Variants in CDCA2 observed in about 807,000 individuals in gnomAD.
CDCA2 encodes the protein cell division cycle-associated protein 2.
Under a neutral mutation model 67.0 loss-of-function variants are expected in CDCA2, and 44 were observed. The ratio of observed to expected loss-of-function variants is 0.66; its 90% CI spans 0.52 to 0.84. The LOEUF (loss-of-function observed/expected upper bound fraction) is 0.84. Among genes scored for constraint, CDCA2 ranks in the 40% least tolerant of loss-of-function variants. The probability of loss-of-function intolerance (pLI) is 0.00; values close to 1 mark genes in which losing one functional copy is unlikely to be tolerated. For missense variants in CDCA2, 1,253 were observed against 1,203.2 expected, an observed-to-expected ratio of 1.04 and a Z score of -0.61; for synonymous variants, 447 against 418.7, an observed-to-expected ratio of 1.07 and a Z score of -0.82.
At chr8:25,468,709 G>A (rs1206775139) in intron 6 of CDCA2, among the ~76,000 whole-genome samples, 3 of 152,154 alleles carry the variant, frequency 2.0e-5, no homozygotes, top group Non-Finnish European at 4.4e-5. Context: ...GTATTCTAGA[G>A]GGTGATGCTC....
intron 13 of CDCA2, among the ~76,000 whole-genome samples, chr8:25,494,648 A>G (rs1338854451): frequency 6.6e-6 from 1 of 152,208 alleles, no homozygotes; most frequent in Non-Finnish European, 1.5e-5. Flanking sequence ...ATGTTATAAA[A>G]CAATATATGT....
intron 7 of CDCA2, among the ~76,000 whole-genome samples, chr8:25,476,558 CT>C (rs555991670): frequency 9.3e-4 from 135 of 144,956 alleles, no homozygotes; most frequent in Non-Finnish European, 7.8e-4. Context: ...TCTTTTTTTT[CT>C]TTTTTTTTTT....
chr8:25,462,344 C>G (rs1294298737), intron 4 of CDCA2, 136 bp downstream of exon 4: 1 of 947,634 alleles, frequency 1.1e-6, no homozygotes, highest in Non-Finnish European at 1.6e-6. Flanking sequence ...ATGCAGTTAG[C>G]GGCCGGGCGC....
chr8:25,506,649 T>G lies in CDCA2; in HGVS notation c.1983T>G (p.Ser661=). ...AATATGATGTCTCTGAATTCTGCTCTTATATAAAAAGTTCCTCATCGCTTG... is the reference window on the plus strand; with the variant it reads ...AATATGATGTCTCTGAATTCTGCTCGTATATAAAAAGTTCCTCATCGCTTG... ...YDKYDVSEFC[S]YIKSSSSLGN... The change falls in exon 15 of 15, where the codon TCT becomes TCG. Residue 661 remains serine, a synonymous_variant. Coordinates refer to ENST00000330560, the MANE Select transcript of CDCA2 (RefSeq NM_152562.4). 1.9e-6 allele frequency: 3 copies of G among 1,613,588 alleles called. No individual in the cohort carries two copies. The highest frequency in any genetic ancestry group is 2.5e-6 in the Non-Finnish European group (3 of 1,179,916).
intron 8 of CDCA2, among the ~76,000 whole-genome samples, chr8:25,481,428 T>G (rs1469979249): frequency 6.6e-6 from 1 of 152,058 alleles, no homozygotes; most frequent in East Asian, 1.9e-4. Context: ...TGGTGGCTTA[T>G]GCCTGTAATC....
chr8:25,485,029 G>A (rs1803713238), intron 10 of CDCA2, among the ~76,000 whole-genome samples: 1 of 152,084 alleles, frequency 6.6e-6, no homozygotes, highest in Admixed American at 6.6e-5. Context: ...GCCATTTAAT[G>A]TTTGAAAAAC....
chr8:25,477,399 T>C (rs573612585), intron 7 of CDCA2, among the ~76,000 whole-genome samples: 110 of 152,338 alleles, frequency 7.2e-4, no homozygotes, highest in African/African-American at 2.4e-3. Context: ...TGTTCGGTGC[T>C]TGGACCTTTT....
rs368729942 is a variant in CDCA2 at position 25,462,066 on chromosome 8, C to A, written c.245C>A (p.Ser82Tyr). 4.3e-6 allele frequency: 7 copies of A among 1,613,780 alleles called. No individual in the cohort carries two copies. Among genetic ancestry groups the A allele is most frequent in the Middle Eastern group, 1.6e-4 (1 of 6,062 alleles). Residue 82 changes from serine to tyrosine, a missense_variant, in exon 4 of 15, where the codon TCC (serine) becomes TAC (tyrosine). Transcript: ENST00000330560. ...AGTTTCATTACAGGAAAGTCATCATCCTACCTTAAAAAATGTAGACGACGT... is the reference window on the plus strand; with the variant it reads ...AGTTTCATTACAGGAAAGTCATCATACTACCTTAAAAAATGTAGACGACGT... ...FVRNSAGKSSSYLKKCRRRSA... is the reference protein window; with the variant it reads ...FVRNSAGKSSYYLKKCRRRSA...
chr8:25,471,218 T>C (rs1470587133), intron 7 of CDCA2, among the ~76,000 whole-genome samples: 2 of 152,268 alleles, frequency 1.3e-5, no homozygotes, highest in Admixed American at 1.3e-4. Flanking sequence ...AGCATTTTTG[T>C]AGTGAGCATT....
chr8:25,475,611 T>C (rs1803318395), intron 7 of CDCA2, among the ~76,000 whole-genome samples: 1 of 152,166 alleles, frequency 6.6e-6, no homozygotes. Context: ...ATTTCCTCTG[T>C]GGGCAATCAC....
Position 25,503,511 on chromosome 8 carries a change from C to T in CDCA2, c.1810C>T (p.Pro604Ser), listed in dbSNP as rs772770925. 1.9e-6 allele frequency: 3 copies of T among 1,612,310 alleles called. No homozygotes were observed. Among genetic ancestry groups the T allele is most frequent in the South Asian group, 2.2e-5 (2 of 90,536 alleles). ...PELPEVPEMT[P>S]SIPSIRRLGS... Reference sequence around the variant, plus strand: ...GCTGCCTGAAGTCCCTGAGATGACACCTTCCATTCCGAGCATCCGAAGACT... The same window carrying T: ...GCTGCCTGAAGTCCCTGAGATGACATCTTCCATTCCGAGCATCCGAAGACT... Residue 604 changes from proline (P) to serine (S), a missense_variant, in exon 14 of 15, where the codon CCT becomes TCT. Pro to Ser is a moderately conservative substitution (Grantham distance 74). Coordinates refer to ENST00000330560, the MANE Select transcript of CDCA2 (RefSeq NM_152562.4).
intron 7 of CDCA2, among the ~76,000 whole-genome samples, chr8:25,476,426 A>G (rs567023229): frequency 5.8e-4 from 89 of 152,302 alleles, no homozygotes; most frequent in African/African-American, 1.8e-3. Flanking sequence ...TGAGAAAATA[A>G]GAGATTTTGG....
chr8:25,476,580 T>C (rs6989346), intron 7 of CDCA2, among the ~76,000 whole-genome samples: 82,038 of 149,620 alleles, frequency 0.55, 24,048 homozygotes, highest in Middle Eastern at 0.67. Context: ...TGAGATGGAG[T>C]CTCACTCTGC....
intron 4 of CDCA2, 66 bp downstream of exon 4, chr8:25,462,274 T>C (rs1166270684): frequency 1.3e-6 from 2 of 1,483,982 alleles, no homozygotes; most frequent in Non-Finnish European, 1.9e-6. Flanking sequence ...TCTTTACACC[T>C]TCTAGTGCAT....
At chr8:25,478,520 T>G (rs1333554352) in intron 7 of CDCA2, among the ~76,000 whole-genome samples, 1 of 152,188 alleles carries the variant, frequency 6.6e-6, no homozygotes, top group Non-Finnish European at 1.5e-5. Flanking sequence ...ATCGACTTCC[T>G]GTTATACTTA....
Position 25,505,197 on chromosome 8 carries a change from TTTTG to T in CDCA2, c.1844-1297_1844-1294del, listed in dbSNP as rs569483664. The stretch of plus-strand genomic sequence containing the variant: ...TGGATTTTATGCGAAATACATATCT[TTTTG>T]TTTGTTTGTTTGTTTTTTGAGATGG... On this transcript the variant is annotated intron_variant, in intron 14 of 14. Coordinates refer to ENST00000330560, the MANE Select transcript of CDCA2 (RefSeq NM_152562.4). Among the ~76,000 whole-genome samples the T allele has an allele frequency of 5.5e-4, 83 of 152,152 alleles. No homozygotes were observed. The East Asian group carries it at 0.013, about 24-fold the overall frequency.
rs985320803 is a variant in CDCA2, at chr8:25,469,843, A to G, written c.736-53A>G. 1.5e-4 allele frequency: 168 copies of G among 1,119,814 alleles called. 1 individual carries two copies. The highest frequency in any genetic ancestry group is 1.2e-3 in the South Asian group (87 of 74,842). 69.4% of individuals were successfully genotyped at this position (1,119,814 alleles called of 1,614,324 possible). On this transcript the variant is annotated intron_variant, in intron 6 of 14. Coordinates refer to ENST00000330560, the MANE Select transcript of CDCA2 (RefSeq NM_152562.4). ...TGTTTACTCAAATCTTCAAAAAGGC[A>G]TTAGTAGTACTCTAATTAATAAAAT...
intron 7 of CDCA2, among the ~76,000 whole-genome samples, chr8:25,478,806 TC>T (rs1410120710): frequency 6.6e-6 from 1 of 151,648 alleles, no homozygotes; most frequent in Non-Finnish European, 1.5e-5. Flanking sequence ...CAGTAGCACT[TC>T]CTTCCAGCTT....
intron 14 of CDCA2, among the ~76,000 whole-genome samples, chr8:25,505,635 G>GGAAACATT (rs1236608598): frequency 3.3e-5 from 5 of 152,076 alleles, no homozygotes; most frequent in Non-Finnish European, 7.4e-5. Context: ...ATTTTTAAAT[G>GGAAACATT]GAAACATTGT....
Sources: gnomAD v4.1 joint callset for allele counts (sites outside exome capture counted in the v4.1 genomes callset) on GRCh38, gnomAD v4.1.1 for gene constraint, MANE v1.5 for transcripts, NCBI Gene and HGNC (gene_info 2026-07-23, HGNC 2026-07-21) for gene names.